Variants in MPDZ observed in about 807,000 individuals in gnomAD.
The protein encoded by MPDZ is multiple PDZ domain crumbs cell polarity complex component, also known as multiple PDZ domain protein.
In MPDZ, 234 loss-of-function variants were observed where a neutral mutation model predicts 239.1. The ratio of observed to expected loss-of-function variants is 0.98; its 90% CI spans 0.88 to 1.09. The LOEUF (loss-of-function observed/expected upper bound fraction) is 1.09. MPDZ is among the 50% of genes least tolerant of loss of function. The pLI is 0.00. For missense variants in MPDZ, 3,175 were observed against 2,510.0 expected (o/e 1.26, Z -5.66); for synonymous variants, 1,048 against 881.3 (o/e 1.19, Z -3.35).
chr9:13,122,235 G>C (rs924987644), intron 36 of MPDZ, 65 bp from the exon 37 acceptor site: 2 of 1,412,978 alleles, frequency 1.4e-6, no homozygotes, highest in Middle Eastern at 1.8e-4. Context: ...AGCAGAAATG[G>C]AGTCCAAACA....
intron 12 of MPDZ, among the ~76,000 whole-genome samples, chr9:13,201,896 C>T (rs1956430630): frequency 6.6e-6 from 1 of 152,048 alleles, no homozygotes; most frequent in South Asian, 2.1e-4. Flanking sequence ...TCCTGTGATT[C>T]CCTGAACCTC....
chr9:13,269,081 T>C (rs1305255256), intron 1 of MPDZ, among the ~76,000 whole-genome samples: 2 of 151,802 alleles, frequency 1.3e-5, no homozygotes, highest in Non-Finnish European at 2.9e-5. Flanking sequence ...AAAGAAAAGA[T>C]ACAGACTCAT....
chr9:13,259,225 T>C (rs988062183), intron 1 of MPDZ, among the ~76,000 whole-genome samples: 25 of 150,292 alleles, frequency 1.7e-4, no homozygotes, highest in African/African-American at 5.8e-4. Context: ...GGCTTCCTAA[T>C]ATAGCCTCCG....
chr9:13,118,486 G>C (rs534139101), intron 39 of MPDZ, among the ~76,000 whole-genome samples: 2 of 152,250 alleles, frequency 1.3e-5, no homozygotes, highest in African/African-American at 4.8e-5. Context: ...TAGCGTATTA[G>C]ACCTCCAACA....
chr9:13,150,101 G>A (rs1420896447), intron 25 of MPDZ, among the ~76,000 whole-genome samples: 1 of 151,920 alleles, frequency 6.6e-6, no homozygotes, highest in African/African-American at 2.4e-5. Flanking sequence ...TATATTGTAT[G>A]TCTAATGTAA....
At chr9:13,162,200 G>A (rs1420351144) in intron 23 of MPDZ, among the ~76,000 whole-genome samples, 1 of 151,678 alleles carries the variant, frequency 6.6e-6, no homozygotes, top group African/African-American at 2.4e-5. Context: ...GGAGGTAGAG[G>A]CTGCAGTTAA....
intron 26 of MPDZ, among the ~76,000 whole-genome samples, chr9:13,147,100 C>T (rs1236011884): frequency 1.3e-5 from 2 of 151,858 alleles, no homozygotes; most frequent in African/African-American, 2.4e-5. Flanking sequence ...AATACATGAA[C>T]GATCATTCAC....
At chr9:13,175,682 T>C in intron 21 of MPDZ, 70 bp downstream of exon 21, 2 of 1,476,872 alleles carry the variant, frequency 1.4e-6, no homozygotes. Flanking sequence ...AATTGAAATT[T>C]ACCATGTTCA....
Position 13,133,838 on chromosome 9 carries a change from G to T in MPDZ, c.4450C>A (p.Leu1484Met). ...DLSSFKNVQH[L>M]ELPKDQGGLG... ...AGCAGATTTACCTTGGGAAGCTCCA[G>T]ATGTTGCACATTTTTAAATGAACTG... Residue 1484 changes from leucine (L) to methionine (M), a missense_variant, in exon 32 of 47, where the codon CTG becomes ATG. Physicochemically the swap from Leu to Met is conservative, Grantham distance 15 (BLOSUM62 2). Coordinates refer to ENST00000319217, the MANE Select transcript of MPDZ (RefSeq NM_001378778.1). The T allele has an allele frequency of 6.2e-7, 1 of 1,602,656 alleles. No individual in the cohort carries two copies. The highest frequency in any genetic ancestry group is 1.3e-5 in the African/African-American group (1 of 74,646).
At chr9:13,152,934 A>G (rs1949374015) in intron 24 of MPDZ, among the ~76,000 whole-genome samples, 1 of 152,156 alleles carries the variant, frequency 6.6e-6, no homozygotes, top group South Asian at 2.1e-4. Context: ...TTTGGCCTAG[A>G]TGAGTCAGAG....
At chr9:13,179,706 T>C (rs543154241) in intron 19 of MPDZ, among the ~76,000 whole-genome samples, 2 of 152,312 alleles carry the variant, frequency 1.3e-5, no homozygotes, top group Non-Finnish European at 2.9e-5. Context: ...CTTCACTTGA[T>C]ATATTCTTGT....
At position 13,208,058 on chromosome 9, in the gene MPDZ, A is replaced by G. The variant is rs530184516; in HGVS notation, c.1291-1959T>C. On this transcript the variant is annotated intron_variant, in intron 10 of 46. Coordinates refer to ENST00000319217, the MANE Select transcript of MPDZ (RefSeq NM_001378778.1). Reference sequence around the variant, plus strand: ...TAGTGGGGCCATATTAGGCACTCAAATGTTTACTAAGTTAGAAAAGATCTG... The same window carrying G: ...TAGTGGGGCCATATTAGGCACTCAAGTGTTTACTAAGTTAGAAAAGATCTG... Among the ~76,000 whole-genome samples the G allele has an allele frequency of 1.6e-4, 24 of 152,346 alleles. No homozygotes were observed. The East Asian group carries it at 4.4e-3, about 28-fold the overall frequency.
At chr9:13,185,358 T>C (rs1953951705) in intron 18 of MPDZ, among the ~76,000 whole-genome samples, 1 of 152,076 alleles carries the variant, frequency 6.6e-6, no homozygotes, top group Non-Finnish European at 1.5e-5. Context: ...ATTCACTCTG[T>C]TTTAAAGCAA....
Position 13,188,971 on chromosome 9 carries a change from G to T in MPDZ, c.2177C>A (p.Thr726Asn). 6.2e-7 allele frequency: 1 copy of T among 1,613,076 alleles called. No homozygotes were observed. Among genetic ancestry groups the T allele is most frequent in the African/African-American group, 1.3e-5 (1 of 75,008 alleles). Residue 726 changes from threonine (T) to asparagine (N), a missense_variant, in exon 17 of 47, where the codon ACT becomes AAT. Transcript: ENST00000319217. ...CACCAAAGAACGAATTATAATCACA[G>T]TGCTTGCTGGATCAATTGGATCCTG... ...DYQDPIDPAS[T>N]VIIIRSLVPG... is the part of the protein sequence containing the mutation.
intron 38 of MPDZ, chr9:13,120,725 G>A (rs1050106092): frequency 3.3e-5 from 5 of 152,180 alleles, no homozygotes; most frequent in Non-Finnish European, 7.3e-5. Flanking sequence ...AGGTGTCTAT[G>A]CTGCTGGTTT....
intron 12 of MPDZ, among the ~76,000 whole-genome samples, 193 bp downstream of exon 12, chr9:13,204,843 T>C (rs1452269668): frequency 6.6e-6 from 1 of 152,184 alleles, no homozygotes; most frequent in African/African-American, 2.4e-5. Flanking sequence ...AAGTATAATT[T>C]AGCTATAAAT....
At chr9:13,162,916 A>G (rs992112596) in intron 22 of MPDZ, 121 bp from the exon 23 acceptor site, 3 of 636,998 alleles carry the variant, frequency 4.7e-6, no homozygotes, top group African/African-American at 3.7e-5. Context: ...TTTTCATACA[A>G]CTCATTTAAT....
At chr9:13,265,696 G>T (rs1428597944) in intron 1 of MPDZ, among the ~76,000 whole-genome samples, 2 of 152,176 alleles carry the variant, frequency 1.3e-5, no homozygotes, top group African/African-American at 2.4e-5. Flanking sequence ...TACAAAACAT[G>T]TCTGCCATTT....
chr9:13,195,103 C>A (rs936998729), intron 13 of MPDZ, among the ~76,000 whole-genome samples: 7 of 151,932 alleles, frequency 4.6e-5, no homozygotes, highest in African/African-American at 1.7e-4. Flanking sequence ...GCCTGGGCAA[C>A]ATGGCAAAAC....
Sources: gnomAD v4.1 joint callset for allele counts (sites outside exome capture counted in the v4.1 genomes callset) on GRCh38, gnomAD v4.1.1 for gene constraint, MANE v1.5 for transcripts, NCBI Gene and HGNC (gene_info 2026-07-23, HGNC 2026-07-21) for gene names.